MLLT10: variants seen among roughly 807,000 people sequenced by gnomAD.
MLLT10 encodes the protein protein AF-10.
In MLLT10, 30 loss-of-function variants were observed where a neutral mutation model predicts 129.1. The ratio of observed to expected loss-of-function variants is 0.23; its 90% confidence interval spans 0.17 to 0.32. MLLT10 has a LOEUF of 0.32. Among genes scored for constraint, MLLT10 ranks in the 10% least tolerant of loss-of-function variants. The pLI is 1.00. For synonymous variants in MLLT10, 490 were observed against 446.4 expected (o/e 1.10, Z -1.23); for missense variants, 1,119 against 1,268.3 (o/e 0.88, Z 1.79).
intron 13 of MLLT10, among the ~76,000 whole-genome samples, chr10:21,688,065 G>T (rs1433505404): frequency 1.3e-5 from 2 of 152,170 alleles, no homozygotes; most frequent in Non-Finnish European, 2.9e-5. Flanking sequence ...CATTTGGCTG[G>T]TGAGTCCCCC....
intron 3 of MLLT10, among the ~76,000 whole-genome samples, chr10:21,555,380 G>A (rs1376795585): frequency 2.0e-5 from 3 of 151,260 alleles, no homozygotes; most frequent in African/African-American, 7.3e-5. Context: ...CTGCCACCAC[G>A]CCTGGCTAAT....
intron 8 of MLLT10, among the ~76,000 whole-genome samples, chr10:21,634,695 G>T (rs1450279358): frequency 1.3e-5 from 2 of 152,116 alleles, no homozygotes; most frequent in African/African-American, 4.8e-5. Flanking sequence ...GCATGCTTTG[G>T]TTATGAAGAA....
At chr10:21,556,782 G>A (rs1221083367) in intron 3 of MLLT10, 1 of 1,592,792 alleles carries the variant, frequency 6.3e-7, no homozygotes, top group African/African-American at 1.3e-5. Context: ...CTGATGCATT[G>A]CTTTTGGGCT....
At chr10:21,685,581 A>G (rs72802915) in intron 13 of MLLT10, among the ~76,000 whole-genome samples, 68 of 152,310 alleles carry the variant, frequency 4.5e-4, no homozygotes, top group Non-Finnish European at 8.4e-4. Flanking sequence ...GTGATCCGCA[A>G]GTGGTCCACC....
At chr10:21,561,519 G>A (rs200486024) in intron 3 of MLLT10, among the ~76,000 whole-genome samples, 54 of 152,220 alleles carry the variant, frequency 3.5e-4, no homozygotes, top group African/African-American at 1.1e-3. Context: ...TCGGCCTCCC[G>A]AAGTGCTGGG....
At chr10:21,718,967 C>T (rs571408132) in intron 14 of MLLT10, among the ~76,000 whole-genome samples, 7 of 152,192 alleles carry the variant, frequency 4.6e-5, no homozygotes, top group Non-Finnish European at 7.3e-5. Flanking sequence ...CATGATCCAC[C>T]CACCTTGGCC....
chr10:21,625,832 T>C, intron 8 of MLLT10: 1 of 774,498 alleles, frequency 1.3e-6, no homozygotes, highest in East Asian at 2.4e-5. Flanking sequence ...CCCTCTATTC[T>C]GACCAGACAG....
chr10:21,565,613 T>A (rs2039449982), intron 3 of MLLT10, among the ~76,000 whole-genome samples: 1 of 151,360 alleles, frequency 6.6e-6, no homozygotes, highest in Non-Finnish European at 1.5e-5. Context: ...GGCCTTTTTT[T>A]TTTTTTTTTT....
At chr10:21,542,827 A>C (rs2130911064) in intron 3 of MLLT10, among the ~76,000 whole-genome samples, 1 of 152,322 alleles carries the variant, frequency 6.6e-6, no homozygotes. Flanking sequence ...TTGAGGTTGC[A>C]ATGAGCTATA....
chr10:21,564,426 T>A (rs903037574), intron 3 of MLLT10: 1 of 152,084 alleles, frequency 6.6e-6, no homozygotes, highest in Non-Finnish European at 1.5e-5. Flanking sequence ...CTAATGATGT[T>A]GACCATCTTT....
At chr10:21,585,605 T>C (rs1178150209) in intron 3 of MLLT10, among the ~76,000 whole-genome samples, 1 of 152,194 alleles carries the variant, frequency 6.6e-6, no homozygotes, top group African/African-American at 2.4e-5. Flanking sequence ...TAGCTGACCA[T>C]AAGACAGGAA....
intron 3 of MLLT10, among the ~76,000 whole-genome samples, chr10:21,575,839 T>C (rs2040676062): frequency 6.6e-6 from 1 of 152,208 alleles, no homozygotes; most frequent in Non-Finnish European, 1.5e-5. Context: ...ATAATTATTA[T>C]GACTTCTTCA....
intron 5 of MLLT10, among the ~76,000 whole-genome samples, chr10:21,603,723 G>A (rs2043783113): frequency 6.6e-6 from 1 of 152,096 alleles, no homozygotes; most frequent in African/African-American, 2.4e-5. Flanking sequence ...CTGAAATCAA[G>A]ATATCAGCTG....
chr10:21,692,456 C>T (rs1261737552), intron 13 of MLLT10, among the ~76,000 whole-genome samples: 2 of 152,022 alleles, frequency 1.3e-5, no homozygotes, highest in African/African-American at 4.8e-5. Context: ...AGGCATGAAC[C>T]ACCGCGCCTG....
chr10:21,680,830 G>C (rs2052659713), intron 11 of MLLT10, among the ~76,000 whole-genome samples: 1 of 151,942 alleles, frequency 6.6e-6, no homozygotes, highest in East Asian at 1.9e-4. Context: ...AAATTAGCCA[G>C]GCATGGTGGC....
intron 22 of MLLT10, among the ~76,000 whole-genome samples, chr10:21,740,804 C>A (rs1444389114): frequency 6.6e-6 from 1 of 152,192 alleles, no homozygotes; most frequent in Non-Finnish European, 1.5e-5. Context: ...GAACAGTATT[C>A]TACACATACA....
At chr10:21,673,301 T>TTGGGG in intron 10 of MLLT10, 49 bp from the exon 11 acceptor site, 1 of 237,942 alleles carries the variant, frequency 4.2e-6, no homozygotes. Context: ...AATTTTTCTG[T>TTGGGG]CCCCCCCACC....
Position 21,742,274 on chromosome 10 carries a change from A to C in MLLT10, c.*291A>C, listed in dbSNP as rs1172216701. ...TAATTTACATGCAATATGTTTATCA[A>C]CTCAAGAATTTAATATAGTTGGTAC... On this transcript the variant is annotated 3_prime_UTR_variant, in exon 23 of 23. Coordinates refer to ENST00000307729, the MANE Select transcript of MLLT10 (RefSeq NM_001195626.3). 5.9e-6 allele frequency: 2 copies of C among 336,190 alleles called. No homozygotes were observed. Among genetic ancestry groups the C allele is most frequent in the Non-Finnish European group, 1.1e-5 (2 of 186,238 alleles). 20.8% of individuals were successfully genotyped at this position (336,190 alleles called of 1,614,324 possible). A position where few individuals can be genotyped will look rare whatever the true frequency, so the allele number is the denominator to read the frequency against.
chr10:21,716,587 G>T (rs1470589009), intron 14 of MLLT10, among the ~76,000 whole-genome samples: 1 of 151,932 alleles, frequency 6.6e-6, no homozygotes, highest in African/African-American at 2.4e-5. Flanking sequence ...CCAGCTACTC[G>T]GGAGGCTGAG....
Sources: gnomAD v4.1 joint callset for allele counts (sites outside exome capture counted in the v4.1 genomes callset) on GRCh38, gnomAD v4.1.1 for gene constraint, MANE v1.5 for transcripts, NCBI Gene and HGNC (gene_info 2026-07-23, HGNC 2026-07-21) for gene names.